The following CALN1 variants were observed in gnomAD, a reference collection of about 807,000 sequenced individuals.
The protein encoded by CALN1 is calneuron 1.
CALN1 carries 17 observed loss-of-function variants against 30.6 expected under a neutral mutation model. The observed-to-expected ratio is 0.56, with a 90% CI of 0.38 to 0.83. The LOEUF (loss-of-function observed/expected upper bound fraction) is 0.83. CALN1 is among the 40% of genes least tolerant of loss of function. The pLI is 0.00. For synonymous variants in CALN1, 156 were observed against 131.4 expected (o/e 1.19, Z -1.28); for missense variants, 291 against 354.9 (o/e 0.82, Z 1.45).
intron 5 of CALN1, among the ~76,000 whole-genome samples, chr7:71,885,379 C>A (rs1584444346): frequency 6.6e-6 from 1 of 152,204 alleles, no homozygotes; most frequent in South Asian, 2.1e-4. Flanking sequence ...GTCTTGATCT[C>A]CTGATATCGT....
At chr7:71,790,921 C>G (rs976609296) in intron 6 of CALN1, among the ~76,000 whole-genome samples, 1 of 152,038 alleles carries the variant, frequency 6.6e-6, no homozygotes, top group African/African-American at 2.4e-5. Flanking sequence ...GAAGATGGCT[C>G]TTTACATTCA....
the CALN1 span, among the ~76,000 whole-genome samples, chr7:72,497,141 A>G: frequency 1.3e-5 from 2 of 152,228 alleles, no homozygotes; most frequent in South Asian, 4.1e-4. Context: ...CAGTGCTATT[A>G]ATAGAATGAC....
At chr7:71,926,092 G>C (rs779299961) in intron 5 of CALN1, among the ~76,000 whole-genome samples, 1 of 152,090 alleles carries the variant, frequency 6.6e-6, no homozygotes, top group Non-Finnish European at 1.5e-5. Flanking sequence ...GCCTCAGTTT[G>C]GCAATAATCT....
chr7:72,189,059 G>A (rs1342122630), intron 3 of CALN1, among the ~76,000 whole-genome samples: 1 of 152,170 alleles, frequency 6.6e-6, no homozygotes, highest in Non-Finnish European at 1.5e-5. Context: ...GTGGACCCTT[G>A]GATGCTGCTA....
At chr7:72,305,042 C>T (rs1264678049) in intron 2 of CALN1, among the ~76,000 whole-genome samples, 2 of 152,186 alleles carry the variant, frequency 1.3e-5, no homozygotes. Context: ...CCTGCAGCCT[C>T]GCATGTGACC....
chr7:72,255,486 C>T (rs1040533379), intron 3 of CALN1, among the ~76,000 whole-genome samples: 2 of 151,140 alleles, frequency 1.3e-5, no homozygotes, highest in Non-Finnish European at 2.9e-5. Context: ...ATGATCTCGG[C>T]TCACTGCAAC....
Position 71,806,683 on chromosome 7 carries a change from A to G in CALN1, c.658+3653T>C, listed in dbSNP as rs778463159. Among the ~76,000 whole-genome samples, 6 of 152,130 alleles carry G rather than the reference A, an allele frequency of 3.9e-5. No homozygotes were observed. The South Asian group carries it at 6.2e-4, about 16-fold the overall frequency. The stretch of plus-strand genomic sequence containing the variant: ...CTTTGAGATATTCTTTAGGTTCTGC[A>G]TATCAATGAGACTACTGATGTCAGC... On this transcript the variant is annotated intron_variant, in intron 6 of 6. Coordinates refer to ENST00000395275, the MANE Select transcript of CALN1 (RefSeq NM_031468.4).
chr7:72,190,778 A>T (rs1222007264), intron 3 of CALN1, among the ~76,000 whole-genome samples: 4 of 152,158 alleles, frequency 2.6e-5, no homozygotes, highest in African/African-American at 9.7e-5. Context: ...ACATTTTGTA[A>T]ATTCTTTCTC....
chr7:72,271,563 T>TAAAAAAAAAAAAAAAAAA (rs1426004146), intron 3 of CALN1, among the ~76,000 whole-genome samples: 9 of 76,260 alleles, frequency 1.2e-4, no homozygotes, highest in African/African-American at 5.5e-4. Flanking sequence ...TGCCTGCCTT[T>TAAAAAAAAAAAAAAAAAA]TAAAAAAAAA....
rs1396230506 is a variant in CALN1, at chr7:72,403,404, G to A, written c.-35C>T. ...AGGGCGATGTTCTCAGAGAGAGTTA[G>A]AAGCTCATCAAAGGAACGTCAGCGA... On this transcript the variant is annotated 5_prime_UTR_variant, in exon 2 of 7. Transcript: ENST00000395275. 2.0e-5 allele frequency: 30 copies of A among 1,508,208 alleles called. No homozygotes were observed. The highest frequency in any genetic ancestry group is 2.5e-5 in the Non-Finnish European group (28 of 1,121,034). 93.4% of individuals were successfully genotyped at this position (1,508,208 alleles called of 1,614,324 possible).
chr7:72,403,576 C>T (rs2129562163), intron 1 of CALN1, 134 bp from the exon 2 acceptor site: 1 of 454,888 alleles, frequency 2.2e-6, no homozygotes, highest in East Asian at 3.2e-5. Flanking sequence ...AATCCTGGCA[C>T]AAGAAATATA....
At chr7:71,888,015 A>G (rs1793015382) in intron 5 of CALN1, among the ~76,000 whole-genome samples, 2 of 152,160 alleles carry the variant, frequency 1.3e-5, no homozygotes, top group Non-Finnish European at 2.9e-5. Flanking sequence ...ACTTGCAACC[A>G]TGGCACTAAA....
the CALN1 span, among the ~76,000 whole-genome samples, chr7:72,465,093 C>A: frequency 6.6e-6 from 1 of 152,232 alleles, no homozygotes; most frequent in Middle Eastern, 3.4e-3. Flanking sequence ...CAGCACAGGA[C>A]GATATCTCAG....
At chr7:72,039,640 T>C (rs1584802160) in intron 4 of CALN1, among the ~76,000 whole-genome samples, 1 of 152,274 alleles carries the variant, frequency 6.6e-6, no homozygotes, top group Admixed American at 6.5e-5. Flanking sequence ...CCACCACTCT[T>C]ATTGAGTCCA....
Position 72,028,076 on chromosome 7 carries a change from A to T in CALN1, c.389-4307T>A, listed in dbSNP as rs7776499. On this transcript the variant is annotated intron_variant, in intron 4 of 6. Transcript: ENST00000395275. ...TCCGTCTCAAAAAAAAAAAAAAAAA[A>T]AAAAAAAAACACATGAGACCTGATC... 4.0e-3 allele frequency among the ~76,000 whole-genome samples: 542 copies of T among 134,372 alleles called. 4 individuals are homozygous for T. Among genetic ancestry groups the T allele is most frequent in the African/African-American group, 0.017 (518 of 30,012 alleles). The allele number at this position is 134,372 out of a possible 152,430, so 88.2% of individuals were successfully genotyped here.
At chr7:72,191,834 C>T (rs757991209) in intron 3 of CALN1, among the ~76,000 whole-genome samples, 15 of 152,128 alleles carry the variant, frequency 9.9e-5, no homozygotes, top group Admixed American at 2.0e-4. Flanking sequence ...AAGTGGGTTT[C>T]GCTGGATGAA....
chr7:72,348,496 T>A (rs542900195), intron 2 of CALN1, among the ~76,000 whole-genome samples: 3 of 152,228 alleles, frequency 2.0e-5, no homozygotes, highest in Non-Finnish European at 4.4e-5. Flanking sequence ...AAATTTTTTA[T>A]AACGATTTAA....
At chr7:72,229,425 T>C (rs1793925397) in intron 3 of CALN1, among the ~76,000 whole-genome samples, 1 of 151,976 alleles carries the variant, frequency 6.6e-6, no homozygotes, top group Non-Finnish European at 1.5e-5. Context: ...AACAATCCTA[T>C]TACTGGGTGT....
At chr7:71,850,607 A>G (rs1034329085) in intron 5 of CALN1, among the ~76,000 whole-genome samples, 1 of 152,196 alleles carries the variant, frequency 6.6e-6, no homozygotes, top group Non-Finnish European at 1.5e-5. Context: ...AGAAAACAGT[A>G]TATTTTTTGT....
Sources: gnomAD v4.1 joint callset for allele counts (sites outside exome capture counted in the v4.1 genomes callset) on GRCh38, gnomAD v4.1.1 for gene constraint, MANE v1.5 for transcripts, NCBI Gene and HGNC (gene_info 2026-07-23, HGNC 2026-07-21) for gene names.